RPS6KA5: variants seen among roughly 807,000 people sequenced by gnomAD.
The protein encoded by RPS6KA5 is ribosomal protein S6 kinase alpha-5.
A neutral mutation model predicts 85.5 loss-of-function variants in RPS6KA5; 27 were observed. That is an observed-to-expected ratio of 0.32 (90% CI 0.23 to 0.44). The LOEUF (loss-of-function observed/expected upper bound fraction) is 0.44, where lower values mean the gene tolerates loss of function less well. Among genes scored for constraint, RPS6KA5 ranks in the 20% least tolerant of loss-of-function variants. The probability of loss-of-function intolerance (pLI) is 1.00; values close to 1 mark genes in which losing one functional copy is unlikely to be tolerated. For synonymous variants in RPS6KA5, 334 were observed against 348.2 expected (o/e 0.96, Z 0.46); for missense variants, 811 against 980.9 (o/e 0.83, Z 2.31).
At position 90,926,641 on chromosome 14, in the gene RPS6KA5, A is replaced by ATG. The variant is rs1444272231; in HGVS notation, c.619-3447_619-3446dup. Among the ~76,000 whole-genome samples the ATG allele has an allele frequency of 2.8e-5, 4 of 144,354 alleles. 1 individual carries two copies. The Admixed American group carries it at 2.8e-4, about 10-fold the overall frequency. The allele number at this position is 144,354 out of a possible 152,430, so 94.7% of individuals were successfully genotyped here. On this transcript the variant is annotated intron_variant, in intron 5 of 16. Transcript: ENST00000614987. ...AATAAAAAGAGAGACATATATATGT[A>ATG]TGTGTATATATATATATATTTAAGT...
intron 3 of RPS6KA5, among the ~76,000 whole-genome samples, chr14:90,954,266 CATAAG>C (rs1350911509): frequency 4.6e-5 from 7 of 152,234 alleles, no homozygotes; most frequent in African/African-American, 1.4e-4. Flanking sequence ...ATACTGGCCT[CATAAG>C]ATAAGTTAGT....
intron 1 of RPS6KA5, among the ~76,000 whole-genome samples, chr14:91,044,183 C>T (rs748286716): frequency 8.0e-5 from 12 of 150,532 alleles, no homozygotes; most frequent in South Asian, 2.1e-4. Context: ...GTCGAGATCG[C>T]GCCATTGCAC....
intron 14 of RPS6KA5, among the ~76,000 whole-genome samples, chr14:90,884,973 C>A (rs955055172): frequency 2.0e-5 from 3 of 152,094 alleles, no homozygotes; most frequent in Non-Finnish European, 4.4e-5. Context: ...GAAAGCAGGG[C>A]AGGGAACAGG....
At chr14:90,880,827 T>A (rs2033789598) in intron 14 of RPS6KA5, among the ~76,000 whole-genome samples, 1 of 150,792 alleles carries the variant, frequency 6.6e-6, no homozygotes, top group Non-Finnish European at 1.5e-5. Flanking sequence ...TTGTCTTTTG[T>A]AAACTTTTTT....
At chr14:90,977,119 T>G (rs190316658) in intron 3 of RPS6KA5, among the ~76,000 whole-genome samples, 1 of 152,300 alleles carries the variant, frequency 6.6e-6, no homozygotes, top group East Asian at 1.9e-4. Flanking sequence ...TGCCTTTGTG[T>G]GGGTCAGTGA....
chr14:90,862,698 A>G lies in RPS6KA5; in HGVS notation c.*9376T>C. The G allele has an allele frequency of 6.6e-6, 1 of 152,196 alleles. No homozygotes were observed. Among genetic ancestry groups the G allele is most frequent in the African/African-American group, 2.4e-5 (1 of 41,416 alleles). 9.4% of individuals were successfully genotyped at this position (152,196 alleles called of 1,614,324 possible). A position where few individuals can be genotyped will look rare whatever the true frequency, so the allele number is the denominator to read the frequency against. On this transcript the variant is annotated 3_prime_UTR_variant, in exon 17 of 17. Transcript: ENST00000614987. ...AGGCTGGTCTCCAACTCCTGGGCTA[A>G]AGCAATCCTTCCTCTTGGCCTCCCA... is the stretch of plus-strand genomic sequence containing the variant.
At chr14:90,968,846 T>C (rs994083323) in intron 3 of RPS6KA5, among the ~76,000 whole-genome samples, 22 of 152,228 alleles carry the variant, frequency 1.4e-4, no homozygotes, top group Admixed American at 6.5e-5. Context: ...AAGTGTCTTG[T>C]TCAAGATCAC....
chr14:90,894,388 C>T (rs768446835), intron 13 of RPS6KA5, 25 bp downstream of exon 13: 19 of 1,575,860 alleles, frequency 1.2e-5, no homozygotes, highest in African/African-American at 4.0e-5. Context: ...GACTGAATTA[C>T]GTAAGAGATC....
intron 1 of RPS6KA5, among the ~76,000 whole-genome samples, chr14:91,016,846 G>T (rs1348574983): frequency 6.9e-6 from 1 of 145,656 alleles, no homozygotes. Flanking sequence ...GAGGTATTTG[G>T]CTAGAGCTCT....
chr14:91,050,980 C>T (rs1439182353), intron 1 of RPS6KA5, among the ~76,000 whole-genome samples: 2 of 152,054 alleles, frequency 1.3e-5, no homozygotes, highest in Non-Finnish European at 2.9e-5. Flanking sequence ...GTAATTCCAG[C>T]CATTTGGGAG....
Position 91,046,388 on chromosome 14 carries a change from A to G in RPS6KA5, c.103+13944T>C, listed in dbSNP as rs191483348. 7.3e-3 allele frequency among the ~76,000 whole-genome samples: 1,115 copies of G among 152,332 alleles called. 3 individuals carry two copies. The highest frequency in any genetic ancestry group is 0.013 in the Non-Finnish European group (870 of 68,030). Reference sequence around the variant, plus strand: ...TTATGTTTGTTCTATTTTAGCCCTAATTATGATGCTTCAATACACACAAGT... The same window carrying G: ...TTATGTTTGTTCTATTTTAGCCCTAGTTATGATGCTTCAATACACACAAGT... On this transcript the variant is annotated intron_variant, in intron 1 of 16. Coordinates refer to ENST00000614987, the MANE Select transcript of RPS6KA5 (RefSeq NM_004755.4).
chr14:90,919,844 A>G (rs964310884), intron 7 of RPS6KA5, among the ~76,000 whole-genome samples: 2 of 152,206 alleles, frequency 1.3e-5, no homozygotes, highest in Non-Finnish European at 2.9e-5. Flanking sequence ...TCTTCATGTT[A>G]AAGTCACAAA....
chr14:91,035,007 A>G (rs2042342307), intron 1 of RPS6KA5, among the ~76,000 whole-genome samples: 2 of 152,222 alleles, frequency 1.3e-5, no homozygotes, highest in Non-Finnish European at 2.9e-5. Flanking sequence ...ACAATGCAAT[A>G]TAACAAATGT....
chr14:90,884,834 C>T (rs2034082585), intron 14 of RPS6KA5, among the ~76,000 whole-genome samples: 1 of 152,036 alleles, frequency 6.6e-6, no homozygotes, highest in Non-Finnish European at 1.5e-5. Context: ...GGATATATTC[C>T]TGAATTGGAA....
At chr14:90,883,039 C>T (rs1210952303) in intron 14 of RPS6KA5, among the ~76,000 whole-genome samples, 1 of 152,108 alleles carries the variant, frequency 6.6e-6, no homozygotes, top group African/African-American at 2.4e-5. Flanking sequence ...CTCAAGTGAT[C>T]AGCCCACCTC....
At chr14:91,027,968 A>G (rs1200442995) in intron 1 of RPS6KA5, among the ~76,000 whole-genome samples, 3 of 152,234 alleles carry the variant, frequency 2.0e-5, no homozygotes, top group African/African-American at 7.2e-5. Flanking sequence ...TGTTAGCTGC[A>G]GTAATGTACT....
rs533819465 is a variant in RPS6KA5 at position 90,926,722 on chromosome 14, ATC to A, written c.619-3528_619-3527del. 3.9e-3 allele frequency among the ~76,000 whole-genome samples: 597 copies of A among 151,640 alleles called. 8 individuals carry two copies. The highest frequency in any genetic ancestry group is 0.013 in the African/African-American group (557 of 41,312). On this transcript the variant is annotated intron_variant, in intron 5 of 16. Coordinates refer to ENST00000614987, the MANE Select transcript of RPS6KA5 (RefSeq NM_004755.4). Reference sequence around the variant, plus strand: ...ACATATCTCACAGGTCCATTCCTAGATCTATTTATACCCAGCAGCTAAGTTAT... The same window carrying A: ...ACATATCTCACAGGTCCATTCCTAGATATTTATACCCAGCAGCTAAGTTAT...
intron 2 of RPS6KA5, among the ~76,000 whole-genome samples, chr14:90,983,067 C>T (rs1045782974): frequency 3.3e-5 from 5 of 150,990 alleles, no homozygotes; most frequent in Admixed American, 6.6e-5. Flanking sequence ...GAGCCAAGAT[C>T]GTGCCACTGC....
intron 2 of RPS6KA5, among the ~76,000 whole-genome samples, chr14:90,981,917 G>C (rs1394522709): frequency 6.6e-6 from 1 of 152,222 alleles, no homozygotes; most frequent in African/African-American, 2.4e-5. Context: ...CCATAAAGCT[G>C]TTTATCACAT....
Sources: allele counts gnomAD v4.1 joint callset (sites outside exome capture counted in the v4.1 genomes callset), GRCh38; gene constraint gnomAD v4.1.1; transcripts MANE v1.5; gene names NCBI Gene and HGNC (gene_info 2026-07-23, HGNC 2026-07-21).